Variants in NRXN1 observed in about 807,000 individuals in gnomAD.
NRXN1 encodes the protein neurexin 1, also known as neurexin-1.
NRXN1 carries 39 observed loss-of-function variants against 150.9 expected under a neutral mutation model. The observed-to-expected ratio is 0.26, with a 90% CI of 0.20 to 0.34. NRXN1 has a LOEUF of 0.34. Ranked by LOEUF, NRXN1 falls within the 10% of genes least tolerant of loss-of-function variation. The pLI is 1.00. For synonymous variants in NRXN1, 924 were observed against 757.0 expected (o/e 1.22, Z -3.62); for missense variants, 1,815 against 1,949.9 (o/e 0.93, Z 1.30).
chr2:50,219,270 C>T (rs908086189), intron 18 of NRXN1, among the ~76,000 whole-genome samples: 1 of 151,426 alleles, frequency 6.6e-6, no homozygotes, highest in Admixed American at 6.6e-5. Context: ...GTTATCCACA[C>T]AAATTTCATT....
At chr2:50,631,898 T>C (rs1306639620) in intron 5 of NRXN1, among the ~76,000 whole-genome samples, 1 of 151,966 alleles carries the variant, frequency 6.6e-6, no homozygotes, top group Admixed American at 6.6e-5. Context: ...AGATGCTGTA[T>C]CTTTTAACCT....
At position 50,482,006 on chromosome 2, in the gene NRXN1, G is replaced by C. The variant is rs886688168; in HGVS notation, c.3071-9535C>G. Among the ~76,000 whole-genome samples the C allele has an allele frequency of 7.3e-5, 10 of 136,974 alleles. 2 individuals carry two copies. The highest frequency in any genetic ancestry group is 2.9e-4 in the African/African-American group (8 of 27,772). 89.9% of individuals were successfully genotyped at this position (136,974 alleles called of 152,430 possible). ...GATGGTCTCGATCTCCTGACCTCGT[G>C]ATCCGCCCGCCTCGGCCTCCCAAAG... On this transcript the variant is annotated intron_variant, in intron 15 of 22. Transcript: ENST00000401669.
chr2:50,158,064 A>AGTGTGTGTGTGTGTGT (rs71401060), intron 18 of NRXN1, among the ~76,000 whole-genome samples: 1 of 134,000 alleles, frequency 7.5e-6, no homozygotes, highest in Admixed American at 7.5e-5. Flanking sequence ...TAAGAAGTTG[A>AGTGTGTGTGTGTGTGT]GTGTGTGTGT....
chr2:50,257,119 T>C (rs2067777704), intron 17 of NRXN1, among the ~76,000 whole-genome samples: 1 of 152,134 alleles, frequency 6.6e-6, no homozygotes, highest in African/African-American at 2.4e-5. Flanking sequence ...ATCTCCATTT[T>C]ATGGATTTAA....
At chr2:50,166,276 C>CGT (rs1480955493) in intron 18 of NRXN1, among the ~76,000 whole-genome samples, 5 of 119,310 alleles carry the variant, frequency 4.2e-5, no homozygotes, top group Middle Eastern at 4.8e-3. Context: ...GAGTACTCAA[C>CGT]GTATGTGTGT....
At chr2:50,742,593 C>A (rs1238993142) in intron 5 of NRXN1, among the ~76,000 whole-genome samples, 1 of 140,618 alleles carries the variant, frequency 7.1e-6, no homozygotes, top group Admixed American at 7.7e-5. Flanking sequence ...GGGTGACAGA[C>A]GGAGACTCCG....
chr2:50,646,642 G>T (rs1442367892), intron 5 of NRXN1, among the ~76,000 whole-genome samples: 1 of 150,754 alleles, frequency 6.6e-6, no homozygotes, highest in Non-Finnish European at 1.5e-5. Flanking sequence ...TTCAACTACG[G>T]AAAAGTCCCC....
At chr2:50,278,479 C>T (rs1045808378) in intron 17 of NRXN1, among the ~76,000 whole-genome samples, 4 of 150,334 alleles carry the variant, frequency 2.7e-5, no homozygotes, top group Middle Eastern at 3.4e-3. Flanking sequence ...CCTTTAAAAA[C>T]GTATCTCAAT....
intron 5 of NRXN1, among the ~76,000 whole-genome samples, chr2:50,672,378 T>C (rs1688979913): frequency 6.6e-6 from 1 of 152,036 alleles, no homozygotes; most frequent in South Asian, 2.1e-4. Flanking sequence ...CATGATTTCA[T>C]TCAAATGTGG....
intron 5 of NRXN1, among the ~76,000 whole-genome samples, chr2:50,686,479 A>G (rs1559123461): frequency 1.3e-5 from 2 of 152,208 alleles, no homozygotes; most frequent in South Asian, 2.1e-4. Context: ...AGCCTCTCTT[A>G]GGAGAAAATC....
intron 18 of NRXN1, among the ~76,000 whole-genome samples, chr2:50,095,266 G>A (rs1315586212): frequency 1.3e-5 from 2 of 152,200 alleles, no homozygotes; most frequent in Non-Finnish European, 2.9e-5. Context: ...GAGACTCCCT[G>A]TGGACTTCCC....
intron 5 of NRXN1, among the ~76,000 whole-genome samples, chr2:50,658,300 C>A (rs1250345723): frequency 6.6e-6 from 1 of 151,812 alleles, no homozygotes; most frequent in East Asian, 1.9e-4. Flanking sequence ...TCAGAAGGAT[C>A]CTTGACCTGC....
At chr2:50,689,342 A>C (rs1691718579) in intron 5 of NRXN1, among the ~76,000 whole-genome samples, 1 of 152,178 alleles carries the variant, frequency 6.6e-6, no homozygotes, top group Non-Finnish European at 1.5e-5. Context: ...CAATCAAAAC[A>C]AAACCAGTTT....
intron 15 of NRXN1, among the ~76,000 whole-genome samples, chr2:50,495,345 C>CAT (rs1553696940): frequency 5.8e-4 from 44 of 76,130 alleles, no homozygotes; most frequent in African/African-American, 2.1e-3. Flanking sequence ...AGAAGCATTC[C>CAT]GTGTGTGTGT....
At chr2:49,934,180 A>G (rs995396854) in intron 22 of NRXN1, among the ~76,000 whole-genome samples, 9 of 152,346 alleles carry the variant, frequency 5.9e-5, no homozygotes, top group African/African-American at 2.2e-4. Context: ...TTGGTAATAA[A>G]TAGCTGACAG....
At chr2:50,691,597 A>G (rs2104881455) in intron 5 of NRXN1, among the ~76,000 whole-genome samples, 1 of 152,274 alleles carries the variant, frequency 6.6e-6, no homozygotes, top group African/African-American at 2.4e-5. Context: ...TTGTTTTACG[A>G]TCAGAGTTGC....
chr2:50,118,609 A>G (rs1259375770), intron 18 of NRXN1, among the ~76,000 whole-genome samples: 1 of 152,210 alleles, frequency 6.6e-6, no homozygotes, highest in Non-Finnish European at 1.5e-5. Context: ...CAAAAAAGAG[A>G]GTGTGGCTCT....
intron 5 of NRXN1, among the ~76,000 whole-genome samples, chr2:50,697,440 TAG>T (rs1693076614): frequency 6.6e-6 from 1 of 152,292 alleles, no homozygotes; most frequent in East Asian, 1.9e-4. Flanking sequence ...CTTGACAAGT[TAG>T]AGAAATGGTC....
At chr2:50,715,126 G>A (rs551553849) in intron 5 of NRXN1, among the ~76,000 whole-genome samples, 1 of 152,076 alleles carries the variant, frequency 6.6e-6, no homozygotes, top group South Asian at 2.1e-4. Flanking sequence ...TACTCAAAGG[G>A]TACTCTTTCT....
Sources: gnomAD v4.1 joint callset for allele counts (sites outside exome capture counted in the v4.1 genomes callset) on GRCh38, gnomAD v4.1.1 for gene constraint, MANE v1.5 for transcripts, NCBI Gene and HGNC (gene_info 2026-07-23, HGNC 2026-07-21) for gene names.